Variants in MACROD2 observed in about 807,000 individuals in gnomAD.
The protein encoded by MACROD2 is ADP-ribose glycohydrolase MACROD2.
MACROD2 carries 36 observed loss-of-function variants against 70.4 expected under a neutral mutation model. The observed-to-expected ratio is 0.51, with a 90% CI of 0.39 to 0.68. The LOEUF (loss-of-function observed/expected upper bound fraction) is 0.68. Ranked by LOEUF, MACROD2 falls within the 30% of genes least tolerant of loss-of-function variation. MACROD2 has a pLI of 0.00. For synonymous variants in MACROD2, 172 were observed against 178.8 expected, an observed-to-expected ratio of 0.96 and a Z score of 0.30; for missense variants, 496 against 538.4, an observed-to-expected ratio of 0.92 and a Z score of 0.78.
At chr20:14,979,465 C>G (rs900869755) in intron 5 of MACROD2, among the ~76,000 whole-genome samples, 1 of 152,056 alleles carries the variant, frequency 6.6e-6, no homozygotes, top group South Asian at 2.1e-4. Flanking sequence ...TATTTGTTGA[C>G]AGCAAGAGAG....
At chr20:14,107,993 TGTG>T (rs1216348234) in intron 3 of MACROD2, among the ~76,000 whole-genome samples, 1 of 152,096 alleles carries the variant, frequency 6.6e-6, no homozygotes, top group Admixed American at 6.6e-5. Context: ...ACACTGTAAT[TGTG>T]GTGTATAAAC....
intron 4 of MACROD2, among the ~76,000 whole-genome samples, chr20:14,617,718 AAT>A (rs1474529958): frequency 2.6e-5 from 4 of 152,130 alleles, no homozygotes; most frequent in Admixed American, 2.6e-4. Context: ...TCTATTTTTT[AAT>A]GCTACTTTCC....
At chr20:14,505,365 TA>T in intron 4 of MACROD2, among the ~76,000 whole-genome samples, 1 of 152,348 alleles carries the variant, frequency 6.6e-6, no homozygotes, top group African/African-American at 2.4e-5. Flanking sequence ...TAAATCTGTC[TA>T]GTGTTTCTTT....
intron 8 of MACROD2, among the ~76,000 whole-genome samples, chr20:15,517,953 C>CAGACATGAT (rs1208414550): frequency 6.6e-6 from 1 of 152,220 alleles, no homozygotes; most frequent in African/African-American, 2.4e-5. Flanking sequence ...TAAAGATGAA[C>CAGACATGAT]AGACATGATT....
chr20:14,016,583 G>C (rs919302271), intron 2 of MACROD2, among the ~76,000 whole-genome samples: 1 of 151,976 alleles, frequency 6.6e-6, no homozygotes, highest in Admixed American at 6.6e-5. Context: ...TTTTGTATAT[G>C]GTATAAAGAT....
chr20:15,302,891 A>G (rs868281047), intron 6 of MACROD2, among the ~76,000 whole-genome samples: 3 of 152,120 alleles, frequency 2.0e-5, no homozygotes, highest in African/African-American at 4.8e-5. Flanking sequence ...CCATATTTGG[A>G]TGTTGTGTTC....
chr20:14,436,633 G>A (rs1014731525), intron 3 of MACROD2, among the ~76,000 whole-genome samples: 13 of 152,162 alleles, frequency 8.5e-5, no homozygotes, highest in Admixed American at 8.5e-4. Context: ...CTACACGTAT[G>A]TGACATGTAG....
intron 6 of MACROD2, among the ~76,000 whole-genome samples, chr20:15,407,110 C>T (rs1455379106): frequency 6.6e-6 from 1 of 152,214 alleles, no homozygotes; most frequent in Non-Finnish European, 1.5e-5. Flanking sequence ...CTATCGGTAC[C>T]TTCCCGTTGC....
At chr20:14,948,809 G>A (rs927857994) in intron 5 of MACROD2, among the ~76,000 whole-genome samples, 7 of 152,140 alleles carry the variant, frequency 4.6e-5, no homozygotes, top group South Asian at 2.1e-4. Context: ...CAGGACTTTC[G>A]CTAAGTAACA....
At chr20:15,806,573 C>T (rs2063771565) in intron 8 of MACROD2, among the ~76,000 whole-genome samples, 1 of 151,944 alleles carries the variant, frequency 6.6e-6, no homozygotes, top group African/African-American at 2.4e-5. Flanking sequence ...ACTGAGGAAG[C>T]ATTTCACAGC....
chr20:16,006,251 G>A (rs1290552449), intron 15 of MACROD2, among the ~76,000 whole-genome samples: 4 of 152,086 alleles, frequency 2.6e-5, no homozygotes, highest in Non-Finnish European at 4.4e-5. Flanking sequence ...CTCATCATCG[G>A]GTCAGTTGGT....
intron 5 of MACROD2, among the ~76,000 whole-genome samples, chr20:14,989,122 G>A (rs987331863): frequency 3.3e-5 from 5 of 151,952 alleles, no homozygotes; most frequent in South Asian, 2.1e-4. Context: ...ACCATATAGC[G>A]ACATATAGAA....
intron 3 of MACROD2, among the ~76,000 whole-genome samples, chr20:14,194,040 G>C (rs927278551): frequency 6.6e-6 from 1 of 152,160 alleles, no homozygotes; most frequent in South Asian, 2.1e-4. Flanking sequence ...AATTGTTAAA[G>C]GGGTTCTGAG....
intron 6 of MACROD2, among the ~76,000 whole-genome samples, chr20:15,290,439 G>A (rs1378024606): frequency 6.6e-6 from 1 of 152,114 alleles, no homozygotes; most frequent in Non-Finnish European, 1.5e-5. Context: ...CTGCAGACTT[G>A]GGCGACAGTG....
intron 5 of MACROD2, among the ~76,000 whole-genome samples, chr20:14,723,689 G>A (rs2071495704): frequency 6.6e-6 from 1 of 151,190 alleles, no homozygotes; most frequent in East Asian, 1.9e-4. Context: ...ACATTTGGTG[G>A]TACATTTTTA....
At chr20:15,045,019 CAA>C (rs1347469507) in intron 5 of MACROD2, among the ~76,000 whole-genome samples, 1 of 152,104 alleles carries the variant, frequency 6.6e-6, no homozygotes, top group African/African-American at 2.4e-5. Flanking sequence ...GTTCAAAACA[CAA>C]GAGGCTGAAT....
chr20:15,341,432 A>C (rs949255569), intron 6 of MACROD2, among the ~76,000 whole-genome samples: 2 of 152,212 alleles, frequency 1.3e-5, no homozygotes, highest in Admixed American at 1.3e-4. Flanking sequence ...CCCCATGATA[A>C]CATGTATTTA....
At chr20:15,597,649 A>C (rs1212917339) in intron 8 of MACROD2, among the ~76,000 whole-genome samples, 1 of 152,216 alleles carries the variant, frequency 6.6e-6, no homozygotes, top group Non-Finnish European at 1.5e-5. Flanking sequence ...AATCAACAAA[A>C]ATGCTTCATA....
intron 7 of MACROD2, among the ~76,000 whole-genome samples, chr20:15,492,341 A>G (rs1247977454): frequency 6.9e-6 from 1 of 145,042 alleles, no homozygotes; most frequent in Non-Finnish European, 1.5e-5. Context: ...AGTACCTGCC[A>G]TCACATCCTC....
Sources: gnomAD v4.1 joint callset for allele counts (sites outside exome capture counted in the v4.1 genomes callset) on GRCh38, gnomAD v4.1.1 for gene constraint, MANE v1.5 for transcripts, NCBI Gene and HGNC (gene_info 2026-07-23, HGNC 2026-07-21) for gene names.